Variants in AXIN1 observed in about 807,000 individuals in gnomAD.
The protein encoded by AXIN1 is axin-1.
Under a neutral mutation model 76.4 loss-of-function variants are expected in AXIN1, and 30 were observed. The ratio of observed to expected loss-of-function variants is 0.39; its 90% CI spans 0.29 to 0.53. The LOEUF (loss-of-function observed/expected upper bound fraction) is 0.53. AXIN1 is among the 20% of genes least tolerant of loss of function. The probability of loss-of-function intolerance (pLI) is 0.66; values close to 1 mark genes in which losing one functional copy is unlikely to be tolerated. For synonymous variants in AXIN1, 545 were observed against 501.4 expected (o/e 1.09, Z -1.16); for missense variants, 1,140 against 1,198.8 (o/e 0.95, Z 0.72).
rs147038066 is a variant in AXIN1, at chr16:297,178, C to T, written c.1833G>A (p.Ser611=). ...GCACCTCGGTGCTGGCGCTCTTCCC[C>T]GACTCAGCCTTCTTGGCATTTCTTT... ...ACKRNAKKAE[S]GKSASTEVPG... is the part of the protein sequence containing the mutation. Residue 611 remains serine (S), a synonymous_variant, in exon 7 of 11, where the codon TCG becomes TCA. Transcript: ENST00000262320. 111 of 1,611,284 alleles carry T rather than the reference C, an allele frequency of 6.9e-5. No individual in the cohort carries two copies. Among genetic ancestry groups the T allele is most frequent in the Middle Eastern group, 1.6e-4 (1 of 6,062 alleles).
Position 297,357 on chromosome 16 carries a change from CGCTTGTCCCCCACCCGCTGTCCCCCGCCA to C in AXIN1, c.1785-160_1785-132del, listed in dbSNP as rs1187262204. 5.0e-5 allele frequency: 60 copies of C among 1,210,550 alleles called. 1 individual carries two copies. The highest frequency in any genetic ancestry group is 1.0e-4 in the African/African-American group (7 of 66,780). The allele number at this position is 1,210,550 out of a possible 1,614,324, so 75.0% of individuals were successfully genotyped here. A position where few individuals can be genotyped will look rare whatever the true frequency, so the allele number is the denominator to read the frequency against. ...CAGCCGCCGCCCGCTGTCCCCTGCC[CGCTTGTCCCCCACCCGCTGTCCCCCGCCA>C]GCTTGTCCCCCACCCGCTGTCCCCT... On this transcript the variant is annotated intron_variant, in intron 6 of 10. Coordinates refer to ENST00000262320, the MANE Select transcript of AXIN1 (RefSeq NM_003502.4).
At chr16:297,626 G>T in intron 6 of AXIN1, 96 bp downstream of exon 6, 1 of 1,441,080 alleles carries the variant, frequency 6.9e-7, no homozygotes, top group Non-Finnish European at 9.1e-7. Flanking sequence ...GTTGCTGGCG[G>T]TCCTGGGTTT....
chr16:347,078 C>T lies in AXIN1; in HGVS notation c.-53G>A, dbSNP rs2054049182. The T allele has an allele frequency of 1.9e-6, 3 of 1,612,558 alleles. No individual in the cohort carries two copies. The highest frequency in any genetic ancestry group is 2.5e-6 in the Non-Finnish European group (3 of 1,180,024). On this transcript the variant is annotated 5_prime_UTR_variant, in exon 2 of 11. Transcript: ENST00000262320. ...AGCGCTGCACCCTAATACATCAGTA[C>T]TTACAGCTCCAAAGTGAATCAATCT... is the stretch of plus-strand genomic sequence containing the variant.
chr16:290,425 C>G (rs1414337214), intron 9 of AXIN1: 2 of 155,578 alleles, frequency 1.3e-5, no homozygotes, highest in Admixed American at 1.3e-4. Flanking sequence ...GCCACATCCT[C>G]GGAGCCTCCT....
intron 3 of AXIN1, among the ~76,000 whole-genome samples, chr16:313,454 C>A (rs375047390): frequency 1.2e-3 from 184 of 152,384 alleles, no homozygotes; most frequent in African/African-American, 4.3e-3. Flanking sequence ...GAGAACCCAG[C>A]TAAGCGGGAA....
intron 2 of AXIN1, among the ~76,000 whole-genome samples, chr16:338,929 A>G (rs1205905501): frequency 6.9e-6 from 1 of 145,484 alleles, no homozygotes; most frequent in East Asian, 2.0e-4. Context: ...ATCTTGGGGA[A>G]AAAAAAAAAA....
chr16:294,858 C>T (rs1053312789), intron 7 of AXIN1, among the ~76,000 whole-genome samples: 5 of 150,548 alleles, frequency 3.3e-5, no homozygotes, highest in East Asian at 2.0e-4. Flanking sequence ...GTCAAGAGAT[C>T]GAGACCGTCC....
rs574325272 is a variant in AXIN1, at chr16:313,157, T to A, written c.1019+1386A>T. Among the ~76,000 whole-genome samples the A allele has an allele frequency of 7.2e-5, 11 of 152,248 alleles. No individual in the cohort carries two copies. The East Asian group carries it at 2.1e-3, about 29-fold the overall frequency. Reference sequence around the variant, plus strand: ...TCTCCACAAAAATTATAATAATCATTAGCCAGGCGTGGTGGCGCACGCTTG... The same window carrying A: ...TCTCCACAAAAATTATAATAATCATAAGCCAGGCGTGGTGGCGCACGCTTG... On this transcript the variant is annotated intron_variant, in intron 3 of 10. Coordinates refer to ENST00000262320, the MANE Select transcript of AXIN1 (RefSeq NM_003502.4).
At chr16:322,520 T>A (rs1370465451) in intron 2 of AXIN1, among the ~76,000 whole-genome samples, 1 of 152,178 alleles carries the variant, frequency 6.6e-6, no homozygotes, top group Non-Finnish European at 1.5e-5. Context: ...GTGCCTCACC[T>A]GGGCACAGAG....
At chr16:338,421 T>C (rs1408766050) in intron 2 of AXIN1, among the ~76,000 whole-genome samples, 1 of 152,174 alleles carries the variant, frequency 6.6e-6, no homozygotes, top group East Asian at 1.9e-4. Flanking sequence ...GTCTGCAAAG[T>C]GCTTCCCTTT....
chr16:326,368 A>ATATATATATAT (rs1555483785), intron 2 of AXIN1, among the ~76,000 whole-genome samples: 2 of 90,430 alleles, frequency 2.2e-5, no homozygotes, highest in African/African-American at 6.0e-5. Flanking sequence ...AAAAAAAAAA[A>ATATATATATAT]AAAAATATAT....
chr16:345,507 G>A (rs1170891242), intron 2 of AXIN1, among the ~76,000 whole-genome samples: 4 of 152,224 alleles, frequency 2.6e-5, no homozygotes, highest in Non-Finnish European at 4.4e-5. Context: ...CTGAGGTCGG[G>A]AGTTCGAGAC....
chr16:310,454 T>A (rs2053147396), intron 3 of AXIN1, among the ~76,000 whole-genome samples: 2 of 152,128 alleles, frequency 1.3e-5, no homozygotes, highest in Non-Finnish European at 2.9e-5. Context: ...TGGAGTGCAG[T>A]GGCACAATCT....
intron 2 of AXIN1, among the ~76,000 whole-genome samples, chr16:337,756 G>A (rs1295022054): frequency 6.6e-6 from 1 of 152,240 alleles, no homozygotes; most frequent in Non-Finnish European, 1.5e-5. Flanking sequence ...ACAAGCCAGC[G>A]TTCAACTCCG....
intron 8 of AXIN1, chr16:291,614 A>G: frequency 2.2e-6 from 1 of 447,984 alleles, no homozygotes; most frequent in South Asian, 2.1e-5. Context: ...GTGGGATGAC[A>G]TCTCGTCCCG....
At chr16:307,499 G>A (rs1011933192) in intron 4 of AXIN1, among the ~76,000 whole-genome samples, 4 of 152,244 alleles carry the variant, frequency 2.6e-5, no homozygotes, top group African/African-American at 4.8e-5. Context: ...ATGCTGTAAA[G>A]CCACGGCCCC....
rs138552860 is a variant in AXIN1, at chr16:344,288, G to A, written c.878+1860C>T. 1.8e-3 allele frequency among the ~76,000 whole-genome samples: 271 copies of A among 151,670 alleles called. 1 individual carries two copies. The highest frequency in any genetic ancestry group is 3.4e-3 in the Non-Finnish European group (231 of 67,914). On this transcript the variant is annotated intron_variant, in intron 2 of 10. Coordinates refer to ENST00000262320, the MANE Select transcript of AXIN1 (RefSeq NM_003502.4). ...CTACTAAAAATACAAAAAATTGGCCGGCATGGTGGCGGGCGCCTGTAGTCC... is the reference window on the plus strand; with the variant it reads ...CTACTAAAAATACAAAAAATTGGCCAGCATGGTGGCGGGCGCCTGTAGTCC...
Position 293,383 on chromosome 16 carries a change from A to G in AXIN1, c.2186+105T>C. Reference sequence around the variant, plus strand: ...CCCAGTATGGCTGGGGGACACCCAGAGGGCCGTTTTTCCCCTGAAGACCTC... The same window carrying G: ...CCCAGTATGGCTGGGGGACACCCAGGGGGCCGTTTTTCCCCTGAAGACCTC... On this transcript the variant is annotated intron_variant, in intron 8 of 10. Transcript: ENST00000262320. This position sits in a 1 kb window ranked among gnomAD's most constrained non-coding sequence, Gnocchi z 4.6. 1.7e-6 allele frequency: 2 copies of G among 1,151,940 alleles called. No individual in the cohort carries two copies. Among genetic ancestry groups the G allele is most frequent in the East Asian group, 5.1e-5 (2 of 39,220 alleles). 71.4% of individuals were successfully genotyped at this position (1,151,940 alleles called of 1,614,324 possible). A position where few individuals can be genotyped will look rare whatever the true frequency, so the allele number is the denominator to read the frequency against.
chr16:343,580 G>A (rs559416170), intron 2 of AXIN1, among the ~76,000 whole-genome samples: 203 of 150,960 alleles, frequency 1.3e-3, no homozygotes, highest in African/African-American at 3.3e-3. Flanking sequence ...GCTCACACTT[G>A]TAATCCCAGC....
Sources: gnomAD v4.1 joint callset for allele counts (sites outside exome capture counted in the v4.1 genomes callset) on GRCh38, gnomAD v4.1.1 for gene constraint, Gnocchi (gnomAD v3.1) non-coding constraint, MANE v1.5 for transcripts, NCBI Gene and HGNC (gene_info 2026-07-23, HGNC 2026-07-21) for gene names.